Variants in GEN1 observed in about 807,000 individuals in gnomAD.
GEN1 encodes the protein GEN1 structure-specific endonuclease.
In GEN1, 64 loss-of-function variants were observed where a neutral mutation model predicts 67.6. The ratio of observed to expected loss-of-function variants is 0.95; its 90% CI spans 0.77 to 1.17. The LOEUF (loss-of-function observed/expected upper bound fraction) is 1.17. Ranked by LOEUF, GEN1 falls within the 50% of genes most tolerant of loss-of-function variation. The pLI is 0.00. For missense variants in GEN1, 1,058 were observed against 1,048.3 expected (o/e 1.01, Z -0.13); for synonymous variants, 371 against 359.4 (o/e 1.03, Z -0.37).
Position 17,778,291 on chromosome 2 carries a change from T to C in GEN1, c.1264+228T>C, listed in dbSNP as rs867553132. ...GTACATATATGTATATACACACACA[T>C]GTGTGTGTACATATATGTATATACA... On this transcript the variant is annotated intron_variant, in intron 12 of 13. Transcript: ENST00000381254. Among the ~76,000 whole-genome samples the C allele has an allele frequency of 1.5e-4, 17 of 113,052 alleles. 4 individuals carry two copies. The highest frequency in any genetic ancestry group is 2.6e-4 in the African/African-American group (7 of 26,810). The allele number at this position is 113,052 out of a possible 152,430, so 74.2% of individuals were successfully genotyped here.
At chr2:17,780,538 C>T in intron 13 of GEN1, 83 bp from the exon 14 acceptor site, 1 of 891,994 alleles carries the variant, frequency 1.1e-6, no homozygotes, top group East Asian at 2.6e-5. Flanking sequence ...AGATTTCTCT[C>T]TGAACTGTTT....
At chr2:17,757,354 T>G (rs1238566530) in intron 1 of GEN1, among the ~76,000 whole-genome samples, 1 of 152,042 alleles carries the variant, frequency 6.6e-6, no homozygotes, top group African/African-American at 2.4e-5. Flanking sequence ...GACTGCAGTT[T>G]ATAAAATCAA....
chr2:17,771,141 C>T (rs769982147), intron 6 of GEN1, 55 bp from the exon 7 acceptor site: 74 of 979,304 alleles, frequency 7.6e-5, no homozygotes, highest in Non-Finnish European at 1.2e-4. Flanking sequence ...TGAGAACATA[C>T]CGTTTTTGTG....
rs1673113786 is a variant in GEN1, at chr2:17,788,104, A to G, written c.*6165A>G. ...GCCCTGCCAAGATGCTTGCTTTCTG[A>G]AGGTGAAGAGTCTAAATCAACTGCT... On this transcript the variant is annotated 3_prime_UTR_variant, in exon 14 of 14. Coordinates refer to ENST00000381254, the MANE Select transcript of GEN1 (RefSeq NM_001130009.3). The G allele has an allele frequency of 6.6e-6, 1 of 152,216 alleles. No individual in the cohort carries two copies. The allele number at this position is 152,216 out of a possible 1,614,324, so 9.4% of individuals were successfully genotyped here. A position where few individuals can be genotyped will look rare whatever the true frequency, so the allele number is the denominator to read the frequency against.
At position 17,782,626 on chromosome 2, in the gene GEN1, A is replaced by G. The variant is rs1288543372; in HGVS notation, c.*687A>G. 1 of 152,204 alleles carries G rather than the reference A, an allele frequency of 6.6e-6. No homozygotes were observed. The highest frequency in any genetic ancestry group is 1.5e-5 in the Non-Finnish European group (1 of 68,028). 9.4% of individuals were successfully genotyped at this position (152,204 alleles called of 1,614,324 possible). On this transcript the variant is annotated 3_prime_UTR_variant, in exon 14 of 14. Transcript: ENST00000381254. ...AATAAACTGAGCAAAGTAACTCCTT[A>G]TGTATCCCCAGAAGTTCACAGGTAT...
rs1673128497 is a variant in GEN1 at position 17,788,622 on chromosome 2, T to TA, written c.*6688dup. ...AAAGGAAAATAACCTCCCCAAATGG[T>TA]AAAAACTGCTTGTATATTTAGAATT... is the stretch of plus-strand genomic sequence containing the variant. On this transcript the variant is annotated 3_prime_UTR_variant, in exon 14 of 14. Coordinates refer to ENST00000381254, the MANE Select transcript of GEN1 (RefSeq NM_001130009.3). 6.6e-6 allele frequency: 1 copy of TA among 152,176 alleles called. No homozygotes were observed. The highest frequency in any genetic ancestry group is 2.4e-5 in the African/African-American group (1 of 41,452). 9.4% of individuals were successfully genotyped at this position (152,176 alleles called of 1,614,324 possible). A position where few individuals can be genotyped will look rare whatever the true frequency, so the allele number is the denominator to read the frequency against.
intron 1 of GEN1, 63 bp from the exon 2 acceptor site, chr2:17,759,866 G>C (rs1240499489): frequency 3.6e-6 from 5 of 1,389,052 alleles, no homozygotes; most frequent in Non-Finnish European, 3.0e-6. Flanking sequence ...TATATTGTTT[G>C]AATTCCTGTT....
In GEN1 at chr2:17,782,093, A is replaced by G; in HGVS notation, c.*154A>G. 1 of 512,066 alleles carries G rather than the reference A, an allele frequency of 2.0e-6. No homozygotes were observed. Among genetic ancestry groups the G allele is most frequent in the South Asian group, 3.5e-5 (1 of 28,506 alleles). The allele number at this position is 512,066 out of a possible 1,614,324, so 31.7% of individuals were successfully genotyped here. ...TTAATCAAAGTTGTAATTTTTAAAA[A>G]GTCACCTAAAACTCTGGTTTTAAAA... On this transcript the variant is annotated 3_prime_UTR_variant, in exon 14 of 14. Coordinates refer to ENST00000381254, the MANE Select transcript of GEN1 (RefSeq NM_001130009.3).
chr2:17,773,783 C>T (rs930061560), intron 10 of GEN1, among the ~76,000 whole-genome samples: 8 of 151,958 alleles, frequency 5.3e-5, no homozygotes, highest in Non-Finnish European at 1.2e-4. Context: ...TATATTAACT[C>T]CTAATATAGT....
chr2:17,761,701 G>T, intron 3 of GEN1, 119 bp downstream of exon 3: 1 of 668,128 alleles, frequency 1.5e-6, no homozygotes, highest in Non-Finnish European at 2.4e-6. Context: ...GATGTGCCTA[G>T]AGAAAAGAGT....
chr2:17,773,703 G>A (rs992404227), intron 10 of GEN1, among the ~76,000 whole-genome samples: 2 of 152,174 alleles, frequency 1.3e-5, no homozygotes, highest in Middle Eastern at 6.8e-3. Flanking sequence ...CCCTGGATGT[G>A]TGTTATTCTC....
chr2:17,778,650 C>T (rs1194263909), intron 12 of GEN1, among the ~76,000 whole-genome samples: 3 of 151,732 alleles, frequency 2.0e-5, no homozygotes, highest in South Asian at 2.1e-4. Context: ...GAAGTAATAC[C>T]GAAATAATTT....
rs542594160 is a variant in GEN1 at position 17,769,900 on chromosome 2, G to A, written c.710+1089G>A. Among the ~76,000 whole-genome samples, 4 of 152,198 alleles carry A rather than the reference G, an allele frequency of 2.6e-5. No individual in the cohort carries two copies. In the South Asian group the frequency reaches 8.3e-4, roughly 32 times the overall value. On this transcript the variant is annotated intron_variant, in intron 6 of 13. Transcript: ENST00000381254. ...CTTGGCCTCCAGCAGGTTCGAGATG[G>A]CAAGTGCCTGAAAAAAATGTTAAGA...
rs1673116309 is a variant in GEN1 at position 17,788,170 on chromosome 2, A to C, written c.*6231A>C. 6.6e-6 allele frequency: 1 copy of C among 152,216 alleles called. No individual in the cohort carries two copies. Among genetic ancestry groups the C allele is most frequent in the African/African-American group, 2.4e-5 (1 of 41,448 alleles). The allele number at this position is 152,216 out of a possible 1,614,324, so 9.4% of individuals were successfully genotyped here. ...GTAGCACTTAGGGTAAAACAGCTTA[A>C]ATAGTATTACTGAAGGCAGCCTCCT... On this transcript the variant is annotated 3_prime_UTR_variant, in exon 14 of 14. Coordinates refer to ENST00000381254, the MANE Select transcript of GEN1 (RefSeq NM_001130009.3).
intron 11 of GEN1, among the ~76,000 whole-genome samples, chr2:17,777,334 T>C (rs1035200346): frequency 6.6e-6 from 1 of 152,128 alleles, no homozygotes; most frequent in African/African-American, 2.4e-5. Context: ...ATGATGATGA[T>C]GATGATAAGC....
At chr2:17,772,885 C>G in intron 8 of GEN1, 101 bp downstream of exon 8, 1 of 1,142,902 alleles carries the variant, frequency 8.7e-7, no homozygotes, top group South Asian at 1.7e-5. Context: ...CTAGATTAGT[C>G]ACATGTTTAA....
rs1672886024 is a variant in GEN1 at position 17,782,316 on chromosome 2, C to T, written c.*377C>T. 1 of 155,320 alleles carries T rather than the reference C, an allele frequency of 6.4e-6. No individual in the cohort carries two copies. The highest frequency in any genetic ancestry group is 1.4e-5 in the Non-Finnish European group (1 of 70,438). The allele number at this position is 155,320 out of a possible 1,614,324, so 9.6% of individuals were successfully genotyped here. On this transcript the variant is annotated 3_prime_UTR_variant, in exon 14 of 14. Transcript: ENST00000381254. ...CAAGAGGATAATTCTTTATACTTCT[C>T]TTCATTCTTTTAAGGCCTTGCAAGG...
chr2:17,780,985 A>G lies in GEN1; in HGVS notation c.1773A>G (p.Glu591=), dbSNP rs1040598008. ...ADLHLSTIDW[E]GTSFSNSPAI... ...TACACTTGAGCACTATTGACTGGGA[A>G]GGTACTTCTTTTAGTAATTCTCCAG... Residue 591 remains glutamate, a synonymous_variant, in exon 14 of 14, where the codon GAA becomes GAG. Transcript: ENST00000381254. 6.2e-7 allele frequency: 1 copy of G among 1,613,344 alleles called. No homozygotes were observed. The highest frequency in any genetic ancestry group is 2.2e-5 in the East Asian group (1 of 44,866).
chr2:17,779,458 C>T (rs973081789), intron 12 of GEN1, among the ~76,000 whole-genome samples: 6 of 152,170 alleles, frequency 3.9e-5, no homozygotes, highest in African/African-American at 1.2e-4. Context: ...AATCTCCATC[C>T]GGCCATTGCC....
Sources: allele counts gnomAD v4.1 joint callset (sites outside exome capture counted in the v4.1 genomes callset), GRCh38; gene constraint gnomAD v4.1.1; transcripts MANE v1.5; gene names NCBI Gene and HGNC (gene_info 2026-07-23, HGNC 2026-07-21).